GABRB2: variants seen among roughly 807,000 people sequenced by gnomAD.
GABRB2 encodes the protein gamma-aminobutyric acid type A receptor subunit beta2.
A neutral mutation model predicts 54.7 loss-of-function variants in GABRB2; 16 were observed. The observed-to-expected ratio is 0.29, with a 90% confidence interval of 0.20 to 0.44. GABRB2 has a LOEUF of 0.44. Ranked by LOEUF, GABRB2 falls within the 20% of genes least tolerant of loss-of-function variation. The pLI, the probability that GABRB2 is intolerant of heterozygous loss-of-function variation, is 1.00. For missense variants in GABRB2, 355 were observed against 644.0 expected (o/e 0.55, Z 4.86); for synonymous variants, 244 against 233.8 (o/e 1.04, Z -0.40).
chr5:161,346,125 T>C (rs1754313265), intron 5 of GABRB2, among the ~76,000 whole-genome samples: 1 of 152,156 alleles, frequency 6.6e-6, no homozygotes. Context: ...AAAAGGTAGC[T>C]ACCAAGTTAG....
chr5:161,317,807 G>T (rs1032915352), intron 9 of GABRB2, among the ~76,000 whole-genome samples: 3 of 152,028 alleles, frequency 2.0e-5, no homozygotes, highest in African/African-American at 7.2e-5. Context: ...AAATGGGTAA[G>T]AATAAGAATA....
intron 9 of GABRB2, among the ~76,000 whole-genome samples, chr5:161,297,257 A>G (rs1412471881): frequency 6.6e-6 from 1 of 152,068 alleles, no homozygotes; most frequent in Non-Finnish European, 1.5e-5. Flanking sequence ...TCAACAGAAT[A>G]CTTCAACTTA....
chr5:161,419,147 A>T (rs1420367774), intron 4 of GABRB2, among the ~76,000 whole-genome samples: 4 of 152,114 alleles, frequency 2.6e-5, no homozygotes, highest in Non-Finnish European at 4.4e-5. Flanking sequence ...AAATAAACAA[A>T]CTAACAAAAA....
At chr5:161,546,783 C>G, upstream of GABRB2, 1 of 1,447,228 alleles carries the variant, frequency 6.9e-7, no homozygotes, top group Non-Finnish European at 9.1e-7. Context: ...CTGCCGGGGA[C>G]CGAGCAGATT....
chr5:161,447,691 G>C (rs1436495789), intron 4 of GABRB2, among the ~76,000 whole-genome samples: 1 of 152,176 alleles, frequency 6.6e-6, no homozygotes, highest in Non-Finnish European at 1.5e-5. Context: ...AAAATAAGGA[G>C]ACAGGAATGA....
chr5:161,304,618 T>A (rs1489692272), intron 9 of GABRB2, among the ~76,000 whole-genome samples: 1 of 152,224 alleles, frequency 6.6e-6, no homozygotes, highest in Non-Finnish European at 1.5e-5. Flanking sequence ...AATGGTTCCT[T>A]TCTATATATC....
At chr5:161,455,614 C>A (rs1757930984) in intron 4 of GABRB2, among the ~76,000 whole-genome samples, 1 of 151,012 alleles carries the variant, frequency 6.6e-6, no homozygotes, top group Admixed American at 6.6e-5. Flanking sequence ...ATTGCAACAT[C>A]CGCCTCCTGG....
intron 4 of GABRB2, among the ~76,000 whole-genome samples, chr5:161,432,967 C>T (rs778287551): frequency 7.9e-5 from 12 of 152,166 alleles, no homozygotes; most frequent in African/African-American, 1.2e-4. Context: ...CATGTGTTTA[C>T]ACAGCAGAAT....
chr5:161,477,426 G>T (rs1758628045), intron 3 of GABRB2, among the ~76,000 whole-genome samples: 1 of 151,660 alleles, frequency 6.6e-6, no homozygotes, highest in South Asian at 2.1e-4. Flanking sequence ...AAATAGAATT[G>T]CTATACAATC....
intron 4 of GABRB2, among the ~76,000 whole-genome samples, chr5:161,413,032 T>C (rs1022560139): frequency 2.0e-5 from 3 of 152,096 alleles, no homozygotes; most frequent in African/African-American, 7.2e-5. Flanking sequence ...CCTCCCAGAG[T>C]GCTGGGATTA....
In GABRB2 at chr5:161,459,832, TC is replaced by T; in HGVS notation, c.249del (p.Thr84GlnfsTer17). On this transcript the variant is annotated frameshift_variant, in exon 4 of 10. Coordinates refer to ENST00000393959, the MANE Select transcript of GABRB2 (RefSeq NM_001371727.1). LOFTEE classifies it high-confidence loss of function. ...MVSEVNMDYT[L>X]TMYFQQAWRD... Reference sequence around the variant, plus strand: ...CTCCAGGCTTGTTGAAAGTACATTGTCAAGGTATAATCCTGTAAATGTGAGA... The same window carrying T: ...CTCCAGGCTTGTTGAAAGTACATTGTAAGGTATAATCCTGTAAATGTGAGA... The T allele has an allele frequency of 1.2e-6, 2 of 1,609,544 alleles. No homozygotes were observed. Among genetic ancestry groups the T allele is most frequent in the Non-Finnish European group, 1.7e-6 (2 of 1,175,842 alleles).
intron 3 of GABRB2, among the ~76,000 whole-genome samples, chr5:161,539,649 T>C (rs1437833883): frequency 3.3e-5 from 5 of 152,136 alleles, no homozygotes; most frequent in African/African-American, 7.2e-5. Flanking sequence ...GGAGTGGACA[T>C]TGGGTCTCTT....
intron 5 of GABRB2, among the ~76,000 whole-genome samples, chr5:161,357,269 T>C (rs1307257779): frequency 6.6e-6 from 1 of 152,088 alleles, no homozygotes; most frequent in Non-Finnish European, 1.5e-5. Context: ...GCCTCAGTTA[T>C]AATCCTATCT....
At chr5:161,385,044 C>T (rs932987772) in intron 5 of GABRB2, among the ~76,000 whole-genome samples, 7 of 152,102 alleles carry the variant, frequency 4.6e-5, no homozygotes, top group Admixed American at 2.6e-4. Context: ...CCCATGAAGT[C>T]GACTACAGAA....
chr5:161,352,133 A>G (rs1392995828), intron 5 of GABRB2, among the ~76,000 whole-genome samples: 3 of 152,028 alleles, frequency 2.0e-5, no homozygotes, highest in Admixed American at 6.6e-5. Flanking sequence ...TATGGCAAAC[A>G]GTATAGAAGT....
At chr5:161,406,009 C>T (rs541359918) in intron 5 of GABRB2, among the ~76,000 whole-genome samples, 16 of 152,158 alleles carry the variant, frequency 1.1e-4, no homozygotes, top group East Asian at 3.9e-4. Flanking sequence ...ATGGTGCATA[C>T]GCTAAGAAGA....
intron 8 of GABRB2, among the ~76,000 whole-genome samples, chr5:161,329,139 G>C (rs1362303131): frequency 6.6e-6 from 1 of 152,014 alleles, no homozygotes; most frequent in Admixed American, 6.5e-5. Context: ...TAAAAAATAG[G>C]GTAGATGAAA....
At chr5:161,442,035 A>T (rs1268386462) in intron 4 of GABRB2, among the ~76,000 whole-genome samples, 2 of 152,124 alleles carry the variant, frequency 1.3e-5, no homozygotes, top group East Asian at 3.9e-4. Context: ...AATGAATAAG[A>T]CCTATAGGGT....
chr5:161,492,423 T>C (rs902022092), intron 3 of GABRB2, among the ~76,000 whole-genome samples: 1 of 151,720 alleles, frequency 6.6e-6, no homozygotes, highest in Non-Finnish European at 1.5e-5. Flanking sequence ...GCCTTAAAAG[T>C]TCTTCTTGCT....
Sources: allele counts gnomAD v4.1 joint callset (sites outside exome capture counted in the v4.1 genomes callset), GRCh38; gene constraint gnomAD v4.1.1; transcripts MANE v1.5; gene names NCBI Gene and HGNC (gene_info 2026-07-23, HGNC 2026-07-21).